The following HS3ST5 variants were observed in gnomAD, a reference collection of about 807,000 sequenced individuals.
HS3ST5 encodes heparan sulfate-glucosamine 3-sulfotransferase 5.
HS3ST5 carries 10 observed loss-of-function variants against 25.4 expected under a neutral mutation model. The ratio of observed to expected loss-of-function variants is 0.39; its 90% CI spans 0.24 to 0.67. The LOEUF (loss-of-function observed/expected upper bound fraction) is 0.67, where lower values mean the gene tolerates loss of function less well. Among genes scored for constraint, HS3ST5 ranks in the 30% least tolerant of loss-of-function variants. The probability of loss-of-function intolerance (pLI) is 0.44; values close to 1 mark genes in which losing one functional copy is unlikely to be tolerated. For synonymous variants in HS3ST5, 170 were observed against 162.4 expected (o/e 1.05, Z -0.36); for missense variants, 324 against 420.7 (o/e 0.77, Z 2.01).
At chr6:114,330,891 G>A (rs934962678) in intron 1 of HS3ST5, among the ~76,000 whole-genome samples, 1 of 152,110 alleles carries the variant, frequency 6.6e-6, no homozygotes, top group African/African-American at 2.4e-5. Context: ...TAAACCACTG[G>A]CACAGGAAGG....
At chr6:114,318,384 A>AT (rs1192431703) in intron 1 of HS3ST5, among the ~76,000 whole-genome samples, 1 of 151,866 alleles carries the variant, frequency 6.6e-6, no homozygotes, top group Non-Finnish European at 1.5e-5. Flanking sequence ...TCAAATTGCT[A>AT]TTTTTTTCTC....
At position 114,207,586 on chromosome 6, in the gene HS3ST5, C is replaced by T. The variant is rs539235065; in HGVS notation, c.-145+20999G>A. Among the ~76,000 whole-genome samples the T allele has an allele frequency of 1.2e-4, 18 of 152,218 alleles. No individual in the cohort carries two copies. In the South Asian group the frequency reaches 3.5e-3, roughly 30 times the overall value. On this transcript the variant is annotated intron_variant, in intron 2 of 4. Coordinates refer to ENST00000312719, the MANE Select transcript of HS3ST5 (RefSeq NM_153612.4). ...GCATTCTCAGCGAGAAGTCCAAACT[C>T]AGATTATCCTGCTCTATAACTCAGG... is the stretch of plus-strand genomic sequence containing the variant.
At chr6:114,152,176 C>A (rs996984962) in intron 3 of HS3ST5, among the ~76,000 whole-genome samples, 1 of 152,040 alleles carries the variant, frequency 6.6e-6, no homozygotes, top group Admixed American at 6.6e-5. Context: ...CGCACTTCGG[C>A]CTCCCAAAGT....
intron 2 of HS3ST5, among the ~76,000 whole-genome samples, chr6:114,209,994 C>A (rs1484912818): frequency 6.6e-6 from 1 of 152,076 alleles, no homozygotes; most frequent in African/African-American, 2.4e-5. Flanking sequence ...AATTTTGACA[C>A]CATACCAGGT....
chr6:114,240,000 G>GCACACACACA (rs947790226), intron 1 of HS3ST5, among the ~76,000 whole-genome samples: 19 of 109,992 alleles, frequency 1.7e-4, no homozygotes, highest in African/African-American at 7.3e-4. Context: ...TTGAGCTTCA[G>GCACACACACA]CACACACATA....
chr6:114,341,560 A>G (rs1254091650), intron 1 of HS3ST5, among the ~76,000 whole-genome samples: 2 of 150,718 alleles, frequency 1.3e-5, no homozygotes, highest in East Asian at 2.0e-4. Context: ...TTGTAGTAAC[A>G]GTATGACCAC....
chr6:114,289,828 A>G (rs1044875464), intron 1 of HS3ST5, among the ~76,000 whole-genome samples: 2 of 152,154 alleles, frequency 1.3e-5, no homozygotes, highest in African/African-American at 4.8e-5. Context: ...TGAATTTTCC[A>G]AACTATCTTC....
chr6:114,069,690 T>G (rs989327773), intron 3 of HS3ST5, among the ~76,000 whole-genome samples: 1 of 151,980 alleles, frequency 6.6e-6, no homozygotes, highest in Admixed American at 6.6e-5. Context: ...GTTAATTTTT[T>G]TTTTGTATTT....
At chr6:114,238,277 T>A (rs1228662592) in intron 1 of HS3ST5, among the ~76,000 whole-genome samples, 7 of 152,186 alleles carry the variant, frequency 4.6e-5, no homozygotes, top group African/African-American at 1.7e-4. Flanking sequence ...TACAGAAAGG[T>A]CCAGAAATTG....
chr6:114,197,112 T>TTTTC (rs1158356312), intron 2 of HS3ST5, among the ~76,000 whole-genome samples: 1 of 144,752 alleles, frequency 6.9e-6, no homozygotes, highest in Non-Finnish European at 1.5e-5. Flanking sequence ...GAACAGTGTT[T>TTTTC]TTTCTTTCTT....
intron 3 of HS3ST5, among the ~76,000 whole-genome samples, chr6:114,137,980 GCTAGGTA>G (rs1438799707): frequency 1.3e-5 from 2 of 151,934 alleles, no homozygotes; most frequent in African/African-American, 4.8e-5. Flanking sequence ...CCTGTTATGA[GCTAGGTA>G]CTCTAAATAC....
chr6:114,243,217 G>A lies in HS3ST5; in HGVS notation c.-338-14439C>T, dbSNP rs546371569. On this transcript the variant is annotated intron_variant, in intron 1 of 4. Coordinates refer to ENST00000312719, the MANE Select transcript of HS3ST5 (RefSeq NM_153612.4). ...CACTCCAAGTGGCCCACAGACCCAT[G>A]AGCTAGATAAATGCATATTATTGTA... 5.9e-4 allele frequency among the ~76,000 whole-genome samples: 90 copies of A among 152,320 alleles called. 1 individual carries two copies. The highest frequency in any genetic ancestry group is 2.2e-3 in the African/African-American group (90 of 41,576).
intron 1 of HS3ST5, among the ~76,000 whole-genome samples, chr6:114,299,685 G>A (rs1349396389): frequency 6.6e-6 from 1 of 152,116 alleles, no homozygotes; most frequent in East Asian, 1.9e-4. Context: ...CGATAGTCCT[G>A]TACTAAGTAA....
chr6:114,072,645 T>C (rs1304459095), intron 3 of HS3ST5, among the ~76,000 whole-genome samples: 2 of 152,136 alleles, frequency 1.3e-5, no homozygotes, highest in South Asian at 2.1e-4. Flanking sequence ...ATTCAGTCAA[T>C]TCATGGTGGT....
chr6:114,278,338 T>A (rs898112069), intron 1 of HS3ST5, among the ~76,000 whole-genome samples: 4 of 152,036 alleles, frequency 2.6e-5, no homozygotes, highest in Non-Finnish European at 5.9e-5. Flanking sequence ...TTATTAATTT[T>A]TCTGCCTTAA....
intron 3 of HS3ST5, among the ~76,000 whole-genome samples, chr6:114,162,452 G>T (rs1472449044): frequency 1.3e-5 from 2 of 152,056 alleles, no homozygotes; most frequent in East Asian, 3.9e-4. Flanking sequence ...CCTTATACCT[G>T]AATTATTGCA....
intron 3 of HS3ST5, among the ~76,000 whole-genome samples, chr6:114,153,156 G>T (rs970177809): frequency 1.3e-5 from 2 of 152,088 alleles, no homozygotes; most frequent in African/African-American, 2.4e-5. Flanking sequence ...GTTAATGGGG[G>T]CAGAGCTGCC....
chr6:114,199,414 T>TA (rs1011641899), intron 2 of HS3ST5, among the ~76,000 whole-genome samples: 12 of 151,848 alleles, frequency 7.9e-5, no homozygotes, highest in African/African-American at 2.7e-4. Flanking sequence ...AATGCTCCAT[T>TA]AAAAAAAATA....
In HS3ST5 at chr6:114,123,901, T is replaced by A. The variant is rs549997422; in HGVS notation, c.-33+44450A>T. ...TCTCAGGATGTACTACGGAGGAGAA[T>A]TCACTGTTGCTCCATGTATTTCTTT... On this transcript the variant is annotated intron_variant, in intron 3 of 4. Transcript: ENST00000312719. Among the ~76,000 whole-genome samples, 3 of 152,328 alleles carry A rather than the reference T, an allele frequency of 2.0e-5. No individual in the cohort carries two copies. The East Asian group carries it at 5.8e-4, about 29-fold the overall frequency.
Sources: allele counts gnomAD v4.1 joint callset (sites outside exome capture counted in the v4.1 genomes callset), GRCh38; gene constraint gnomAD v4.1.1; transcripts MANE v1.5; gene names NCBI Gene and HGNC (gene_info 2026-07-23, HGNC 2026-07-21).